The following CPXM2 variants were observed in gnomAD, a reference collection of about 807,000 sequenced individuals.
CPXM2 encodes carboxypeptidase X, M14 family member 2.
A neutral mutation model predicts 86.1 loss-of-function variants in CPXM2; 66 were observed. The observed-to-expected ratio is 0.77, with a 90% CI of 0.63 to 0.94. The LOEUF is 0.94. Ranked by LOEUF, CPXM2 falls within the 40% of genes least tolerant of loss-of-function variation. CPXM2 has a pLI of 0.00. For synonymous variants in CPXM2, 388 were observed against 400.2 expected (o/e 0.97, Z 0.36); for missense variants, 948 against 1,026.3 (o/e 0.92, Z 1.04).
In CPXM2 at chr10:123,891,795, T is replaced by TGGATGCGCGTGTGACC. The variant is rs1327697946; in HGVS notation, c.-137_-136insGGTCACACGCGCATCC. 2 of 435,818 alleles carry TGGATGCGCGTGTGACC rather than the reference T, an allele frequency of 4.6e-6. No individual in the cohort carries two copies. The highest frequency in any genetic ancestry group is 6.6e-6 in the Non-Finnish European group (2 of 301,974). The allele number at this position is 435,818 out of a possible 1,614,324, so 27.0% of individuals were successfully genotyped here. On this transcript the variant is annotated 5_prime_UTR_variant, in exon 1 of 14. Transcript: ENST00000241305. This position sits in a 1 kb window ranked among gnomAD's most constrained non-coding sequence, Gnocchi z 5.6. Reference sequence around the variant, plus strand: ...CGCTTGGGCGCGGGAGGCGGCCGGCTGGCTGCGCGTGTGACCGGCCCGCGG... The same window carrying TGGATGCGCGTGTGACC: ...CGCTTGGGCGCGGGAGGCGGCCGGCTGGATGCGCGTGTGACCGGCTGCGCGTGTGACCGGCCCGCGG...
At chr10:123,925,535 AC>A (rs1945615487) in intron 2 of CPXM2, among the ~76,000 whole-genome samples, 1 of 152,344 alleles carries the variant, frequency 6.6e-6, no homozygotes, top group East Asian at 1.9e-4. Context: ...ATTTTAAAAC[AC>A]CTTAATTTGT....
chr10:123,810,326 CAATT>C (rs949475109), intron 4 of CPXM2, among the ~76,000 whole-genome samples: 1 of 151,826 alleles, frequency 6.6e-6, no homozygotes, highest in Non-Finnish European at 1.5e-5. Context: ...ATTCCTCTCT[CAATT>C]ATTATTTTAA....
At chr10:123,916,181 G>A (rs1204618055) in intron 2 of CPXM2, among the ~76,000 whole-genome samples, 2 of 152,210 alleles carry the variant, frequency 1.3e-5, no homozygotes, top group African/African-American at 4.8e-5. Context: ...GGAGCATTAT[G>A]TTGGTCATTG....
chr10:123,832,979 G>A (rs1848197850), intron 4 of CPXM2, among the ~76,000 whole-genome samples: 1 of 152,140 alleles, frequency 6.6e-6, no homozygotes, highest in African/African-American at 2.4e-5. Context: ...ATCCCCTCTG[G>A]AGGATGCAGC....
Position 123,767,130 on chromosome 10 carries a change from G to A in CPXM2, c.1322C>T (p.Ser441Phe), listed in dbSNP as rs1472634419. Residue 441 changes from serine (S) to phenylalanine (F), a missense_variant, in exon 10 of 14, where the codon TCC (serine) becomes TTC (phenylalanine). Transcript: ENST00000241305. ...YEGGSELGGW[S>F]LGRWTHDGID... ...TCCATCGTGGGTCCAGCGTCCCAGG[G>A]ACCAGCCTCCCAGCTCCGAGCCCTG... 6.2e-7 allele frequency: 1 copy of A among 1,614,014 alleles called. No homozygotes were observed. Among genetic ancestry groups the A allele is most frequent in the South Asian group, 1.1e-5 (1 of 91,066 alleles).
At chr10:123,750,917 C>T (rs1846058795) in intron 13 of CPXM2, 2 of 985,396 alleles carry the variant, frequency 2.0e-6, no homozygotes, top group Non-Finnish European at 2.4e-6. Flanking sequence ...TGTCTCTAAC[C>T]ACTGGAAAAG....
chr10:123,936,536 T>C (rs866143959), intron 2 of CPXM2, among the ~76,000 whole-genome samples: 2 of 152,212 alleles, frequency 1.3e-5, no homozygotes, highest in Non-Finnish European at 2.9e-5. Context: ...CGAGGCTACT[T>C]TGAGGCCCAT....
chr10:123,880,251 A>G lies in CPXM2; in HGVS notation c.363T>C (p.Asp121=), dbSNP rs1368074726. ...RTKSSEKAAN[D]DHSVRVARED... Reference sequence around the variant, plus strand: ...CACGGGCCACACGGACACTGTGATCATCGTTGGCAGCCTTCTCAGAGCTCT... The same window carrying G: ...CACGGGCCACACGGACACTGTGATCGTCGTTGGCAGCCTTCTCAGAGCTCT... The change falls in exon 2 of 14, where the codon GAT becomes GAC. Residue 121 remains aspartate, a synonymous_variant. Coordinates refer to ENST00000241305, the MANE Select transcript of CPXM2 (RefSeq NM_198148.3). 2 of 1,600,892 alleles carry G rather than the reference A, an allele frequency of 1.2e-6. No individual in the cohort carries two copies. Among genetic ancestry groups the G allele is most frequent in the Non-Finnish European group, 1.7e-6 (2 of 1,170,310 alleles).
rs1846351029 is a variant in CPXM2 at position 123,761,924 on chromosome 10, G to C, written c.1725C>G (p.Phe575Leu). 6.2e-7 allele frequency: 1 copy of C among 1,613,894 alleles called. No individual in the cohort carries two copies. Among genetic ancestry groups the C allele is most frequent in the Non-Finnish European group, 8.5e-7 (1 of 1,179,904 alleles). ...ARRRVCHTED[F>L]QKEEGTVNGA... Reference sequence around the variant, plus strand: ...CATTGACAGTGCCCTCCTCCTTCTGGAAGTCCTCCGTGTGGCACACCCTCC... The same window carrying C: ...CATTGACAGTGCCCTCCTCCTTCTGCAAGTCCTCCGTGTGGCACACCCTCC... The change falls in exon 11 of 14, where the codon TTC (phenylalanine) becomes TTG (leucine). Residue 575 changes from phenylalanine (F) to leucine (L), a missense_variant. Coordinates refer to ENST00000241305, the MANE Select transcript of CPXM2 (RefSeq NM_198148.3).
chr10:123,850,496 G>T (rs1458166221), intron 3 of CPXM2, among the ~76,000 whole-genome samples: 1 of 151,304 alleles, frequency 6.6e-6, no homozygotes, highest in African/African-American at 2.4e-5. Context: ...ATCCAACGTT[G>T]ATGTGAATCC....
chr10:123,878,042 C>T (rs908758896), intron 2 of CPXM2, among the ~76,000 whole-genome samples: 17 of 152,164 alleles, frequency 1.1e-4, no homozygotes, highest in Non-Finnish European at 4.4e-5. Context: ...CATTCTGCCA[C>T]GCTGCCTTCA....
intron 2 of CPXM2, among the ~76,000 whole-genome samples, chr10:123,879,387 C>T (rs147687186): frequency 4.3e-4 from 65 of 152,256 alleles, no homozygotes; most frequent in African/African-American, 1.3e-3. Flanking sequence ...GGGTTCAAAT[C>T]CCTGTTTTAC....
At chr10:123,939,178 T>C (rs1332708140) in intron 2 of CPXM2, among the ~76,000 whole-genome samples, 2 of 152,184 alleles carry the variant, frequency 1.3e-5, no homozygotes, top group South Asian at 4.1e-4. Context: ...AACCAAGGTA[T>C]CATCTTTTCC....
intron 4 of CPXM2, among the ~76,000 whole-genome samples, chr10:123,841,999 A>C (rs1848396972): frequency 1.3e-5 from 2 of 152,206 alleles, no homozygotes; most frequent in Non-Finnish European, 2.9e-5. Context: ...GTTTGTCCAG[A>C]GGTCCTGCCT....
chr10:123,845,916 G>A (rs937452792), intron 3 of CPXM2, among the ~76,000 whole-genome samples: 1 of 152,310 alleles, frequency 6.6e-6, no homozygotes, highest in African/African-American at 2.4e-5. Flanking sequence ...GAAGAATGGA[G>A]GGATGGTGCT....
intron 2 of CPXM2, among the ~76,000 whole-genome samples, chr10:123,934,190 C>T (rs1358489435): frequency 6.6e-6 from 1 of 152,220 alleles, no homozygotes; most frequent in Non-Finnish European, 1.5e-5. Context: ...ACACCGAGCC[C>T]TGCATGCACT....
chr10:123,763,645 C>T (rs953278668), intron 10 of CPXM2, among the ~76,000 whole-genome samples: 6 of 151,696 alleles, frequency 4.0e-5, no homozygotes, highest in Non-Finnish European at 8.8e-5. Context: ...TTCCCAGATT[C>T]ATCCTATTGT....
chr10:123,913,226 A>T (rs1423835684), intron 2 of CPXM2, among the ~76,000 whole-genome samples: 1 of 152,234 alleles, frequency 6.6e-6, no homozygotes, highest in Non-Finnish European at 1.5e-5. Context: ...AGCTATGTTT[A>T]TTAAGATAGG....
chr10:123,813,167 C>T (rs1354191864), intron 4 of CPXM2, among the ~76,000 whole-genome samples: 1 of 152,152 alleles, frequency 6.6e-6, no homozygotes. Context: ...AAGATCTTTG[C>T]TCTTGATTTC....
Sources: allele counts gnomAD v4.1 joint callset (sites outside exome capture counted in the v4.1 genomes callset), GRCh38; gene constraint gnomAD v4.1.1; non-coding constraint Gnocchi (gnomAD v3.1); transcripts MANE v1.5; gene names NCBI Gene and HGNC (gene_info 2026-07-23, HGNC 2026-07-21).